DYNC2H1: variants seen among roughly 807,000 people sequenced by gnomAD.
DYNC2H1 encodes the protein cytoplasmic dynein 2 heavy chain 1.
DYNC2H1 carries 410 observed loss-of-function variants against 570.0 expected under a neutral mutation model. That is an observed-to-expected ratio of 0.72 (90% CI 0.66 to 0.78). DYNC2H1 has a LOEUF of 0.78. Ranked by LOEUF, DYNC2H1 falls within the 30% of genes least tolerant of loss-of-function variation. DYNC2H1 has a pLI of 0.00. For missense variants in DYNC2H1, 4,865 were observed against 5,046.4 expected, an observed-to-expected ratio of 0.96 and a Z score of 1.09; for synonymous variants, 1,688 against 1,677.6, an observed-to-expected ratio of 1.01 and a Z score of -0.15.
At chr11:103,231,412 C>A in intron 60 of DYNC2H1, 66 bp downstream of exon 60, 1 of 1,084,644 alleles carries the variant, frequency 9.2e-7, no homozygotes, top group African/African-American at 1.6e-5. Flanking sequence ...ATCTTGATTT[C>A]TTTCTTGTTT....
intron 18 of DYNC2H1, 35 bp downstream of exon 18, chr11:103,143,430 A>G: frequency 6.4e-7 from 1 of 1,550,974 alleles, no homozygotes; most frequent in Non-Finnish European, 8.7e-7. Flanking sequence ...ACGTACCATA[A>G]TAATTTTTTG....
chr11:103,154,884 T>G (rs1860741797), intron 24 of DYNC2H1, 75 bp downstream of exon 24: 1 of 1,043,130 alleles, frequency 9.6e-7, no homozygotes, highest in Non-Finnish European at 1.3e-6. Context: ...CTGAACTATA[T>G]AATTTTACTT....
At chr11:103,247,254 C>A (rs1330367243) in intron 65 of DYNC2H1, among the ~76,000 whole-genome samples, 4 of 151,948 alleles carry the variant, frequency 2.6e-5, no homozygotes, top group Non-Finnish European at 5.9e-5. Context: ...AGTATGGAAC[C>A]AGGAATTATA....
chr11:103,263,540 A>G (rs755957549), intron 70 of DYNC2H1, among the ~76,000 whole-genome samples: 14 of 152,198 alleles, frequency 9.2e-5, no homozygotes, highest in Non-Finnish European at 1.9e-4. Context: ...TCAAATTAGA[A>G]CTAAGGATTA....
intron 59 of DYNC2H1, among the ~76,000 whole-genome samples, chr11:103,225,617 A>G (rs754677932): frequency 8.6e-5 from 13 of 151,976 alleles, no homozygotes; most frequent in African/African-American, 2.9e-4. Flanking sequence ...CTATGTGCCT[A>G]TTTTTATACC....
intron 30 of DYNC2H1, among the ~76,000 whole-genome samples, chr11:103,164,589 A>C (rs1459860054): frequency 6.6e-6 from 1 of 152,202 alleles, no homozygotes; most frequent in Non-Finnish European, 1.5e-5. Context: ...TTTAAATATT[A>C]ATCTTTGCTA....
chr11:103,470,211 T>C (rs559994174), intron 88 of DYNC2H1, among the ~76,000 whole-genome samples: 2 of 152,212 alleles, frequency 1.3e-5, no homozygotes, highest in Non-Finnish European at 2.9e-5. Flanking sequence ...AAAAGCAATG[T>C]GACTTTACAA....
rs1182279738 is a variant in DYNC2H1, at chr11:103,256,163, A to G, written c.10384A>G (p.Asn3462Asp). The G allele has an allele frequency of 1.9e-6, 3 of 1,608,874 alleles. No homozygotes were observed. Among genetic ancestry groups the G allele is most frequent in the Non-Finnish European group, 2.5e-6 (3 of 1,177,206 alleles). ...AAATAAGGATTTGATTGAGTCTTTGAATCAGACAAAAGCAAGCAGTGCACT... is the reference window on the plus strand; with the variant it reads ...AAATAAGGATTTGATTGAGTCTTTGGATCAGACAAAAGCAAGCAGTGCACT... Reference protein sequence around the residue: ...LENKDLIESLNQTKASSALIQ... With the variant: ...LENKDLIESLDQTKASSALIQ... Residue 3462 changes from asparagine (N) to aspartate (D), a missense_variant, in exon 68 of 89, where the codon AAT (asparagine) becomes GAT (aspartate). Physicochemically the swap from Asn to Asp is conservative, Grantham distance 23. Transcript: ENST00000375735. The surrounding 1 kb of genome is among the most constrained non-coding windows in gnomAD (Gnocchi z 4.0).
rs5794237 is a variant in DYNC2H1, at chr11:103,442,969, C to CT, written c.12456+6950dup. 3.9e-3 allele frequency among the ~76,000 whole-genome samples: 564 copies of CT among 143,052 alleles called. 3 individuals are homozygous for CT. The highest frequency in any genetic ancestry group is 6.1e-3 in the African/African-American group (239 of 39,208). The allele number at this position is 143,052 out of a possible 152,430, so 93.8% of individuals were successfully genotyped here. ...CAATGCTTCCCTTGATTTATGAGCCCTTTTTTTTTTTTTGCCATTTAAAGG... is the reference window on the plus strand; with the variant it reads ...CAATGCTTCCCTTGATTTATGAGCCCTTTTTTTTTTTTTTGCCATTTAAAGG... On this transcript the variant is annotated intron_variant, in intron 85 of 88. Coordinates refer to ENST00000375735, the MANE Select transcript of DYNC2H1 (RefSeq NM_001377.3).
chr11:103,376,172 G>A (rs1941382238), intron 83 of DYNC2H1, among the ~76,000 whole-genome samples: 2 of 152,162 alleles, frequency 1.3e-5, no homozygotes, highest in Non-Finnish European at 2.9e-5. Context: ...CTTCGGCCAT[G>A]ATTGTAAATT....
intron 85 of DYNC2H1, among the ~76,000 whole-genome samples, chr11:103,437,320 G>A (rs1944099188): frequency 6.6e-6 from 1 of 152,066 alleles, no homozygotes; most frequent in Admixed American, 6.6e-5. Flanking sequence ...TACTGATTCT[G>A]TCTGTTCTCC....
rs1861872887 is a variant in DYNC2H1 at position 103,177,488 on chromosome 11, G to A, written c.5875-68G>A. The A allele has an allele frequency of 6.7e-7, 1 of 1,490,860 alleles. No homozygotes were observed. Among genetic ancestry groups the A allele is most frequent in the Non-Finnish European group, 9.0e-7 (1 of 1,110,442 alleles). 92.4% of individuals were successfully genotyped at this position (1,490,860 alleles called of 1,614,324 possible). On this transcript the variant is annotated intron_variant, in intron 37 of 88. Transcript: ENST00000375735. This position sits in a 1 kb window ranked among gnomAD's most constrained non-coding sequence, Gnocchi z 4.4. ...TTTACACATTAGAACAAGTGTTACA[G>A]AATAAAAGCAGAACTAAGTATGATT...
chr11:103,136,037 C>A, intron 17 of DYNC2H1, 89 bp downstream of exon 17: 1 of 1,094,160 alleles, frequency 9.1e-7, no homozygotes, highest in Non-Finnish European at 1.2e-6. Flanking sequence ...AATAGTTTAC[C>A]TTGTGTGGCA....
chr11:103,141,214 T>C (rs1383920402), intron 17 of DYNC2H1, among the ~76,000 whole-genome samples: 3 of 152,238 alleles, frequency 2.0e-5, no homozygotes, highest in African/African-American at 7.2e-5. Flanking sequence ...CTCGTCAAAG[T>C]CATTCTCCGT....
At position 103,202,293 on chromosome 11, in the gene DYNC2H1, G is replaced by GTTTTTT. The variant is rs1318165052; in HGVS notation, c.8198-1370_8198-1369insTTTTTT. 3.4e-4 allele frequency among the ~76,000 whole-genome samples: 16 copies of GTTTTTT among 47,164 alleles called. 2 individuals carry two copies. The highest frequency in any genetic ancestry group is 3.2e-4 in the Non-Finnish European group (9 of 28,256). The allele number at this position is 47,164 out of a possible 152,430, so 30.9% of individuals were successfully genotyped here. A position where few individuals can be genotyped will look rare whatever the true frequency, so the allele number is the denominator to read the frequency against. On this transcript the variant is annotated intron_variant, in intron 50 of 88. Coordinates refer to ENST00000375735, the MANE Select transcript of DYNC2H1 (RefSeq NM_001377.3). ...TTTGGCTGATGAGACCAGAAACACA[G>GTTTTTT]ATTTTTTTTTTTTTTTTTTGGAAAG...
chr11:103,479,198 G>A lies in DYNC2H1; in HGVS notation c.12869G>A (p.Gly4290Asp). Reference protein sequence around the residue: ...VVTNIDVPCGGNQDQWIQCGA... With the variant: ...VVTNIDVPCGDNQDQWIQCGA... ...ACCAATATTGATGTTCCATGTGGGG[G>A]CAACCAAGACCAGTGGATTCAGTGT... Residue 4290 changes from glycine to aspartate, a missense_variant, in exon 89 of 89, where the codon GGC becomes GAC. This residue lies in a region of DYNC2H1 where 2,401 missense variants were observed against 2,454.6 expected (regional missense o/e 0.98). Transcript: ENST00000375735. 6.2e-7 allele frequency: 1 copy of A among 1,613,786 alleles called. No homozygotes were observed. The highest frequency in any genetic ancestry group is 1.6e-4 in the Middle Eastern group (1 of 6,062).
At chr11:103,367,775 C>T (rs1940977175) in intron 83 of DYNC2H1, among the ~76,000 whole-genome samples, 2 of 152,076 alleles carry the variant, frequency 1.3e-5, no homozygotes, top group Admixed American at 1.3e-4. Flanking sequence ...TATGTATCCC[C>T]TCCACAGTTT....
intron 84 of DYNC2H1, among the ~76,000 whole-genome samples, chr11:103,434,699 C>A (rs148522063): frequency 0.013 from 1,941 of 152,146 alleles, 42 homozygotes; most frequent in African/African-American, 0.045. Context: ...TTATTTTTAG[C>A]TTAAAAGTGT....
chr11:103,359,814 A>G (rs963693882), intron 83 of DYNC2H1, among the ~76,000 whole-genome samples: 1 of 151,820 alleles, frequency 6.6e-6, no homozygotes. Context: ...ACAGGTGCAC[A>G]CTACGGCACC....
Sources: gnomAD v4.1 joint callset for allele counts (sites outside exome capture counted in the v4.1 genomes callset) on GRCh38, gnomAD v4.1.1 for gene constraint, gnomAD v4.1.1 regional missense constraint, Gnocchi (gnomAD v3.1) non-coding constraint, MANE v1.5 for transcripts, NCBI Gene and HGNC (gene_info 2026-07-23, HGNC 2026-07-21) for gene names.